The following DCLRE1A variants were observed in gnomAD, a reference collection of about 807,000 sequenced individuals.
DCLRE1A encodes DNA cross-link repair 1A.
DCLRE1A carries 64 observed loss-of-function variants against 91.9 expected under a neutral mutation model. That is an observed-to-expected ratio of 0.70 (90% CI 0.57 to 0.86). DCLRE1A has a LOEUF of 0.86. Ranked by LOEUF, DCLRE1A falls within the 40% of genes least tolerant of loss-of-function variation. The pLI, the probability that DCLRE1A is intolerant of heterozygous loss-of-function variation, is 0.00. For missense variants in DCLRE1A, 1,145 were observed against 1,213.3 expected, an observed-to-expected ratio of 0.94 and a Z score of 0.84; for synonymous variants, 416 against 431.1, an observed-to-expected ratio of 0.96 and a Z score of 0.43.
chr10:113,853,253 A>G lies in DCLRE1A; in HGVS notation c.-71T>C. The G allele has an allele frequency of 2.2e-6, 3 of 1,344,414 alleles. No individual in the cohort carries two copies. The highest frequency in any genetic ancestry group is 2.0e-6 in the Non-Finnish European group (2 of 1,014,388). 83.3% of individuals were successfully genotyped at this position (1,344,414 alleles called of 1,614,324 possible). On this transcript the variant is annotated 5_prime_UTR_variant, in exon 1 of 9. Coordinates refer to ENST00000361384, the MANE Select transcript of DCLRE1A (RefSeq NM_014881.5). ...TGAAAGTCCATTTCTTGTCACAAAC[A>G]AAAAGTTATAGAATTATTTTGCTGA...
chr10:113,847,682 C>A (rs375160537), intron 2 of DCLRE1A, among the ~76,000 whole-genome samples: 2 of 152,122 alleles, frequency 1.3e-5, no homozygotes, highest in Non-Finnish European at 2.9e-5. Context: ...TGCTAACTTT[C>A]TTCTAAAACA....
chr10:113,835,542 A>G (rs1845347948), intron 8 of DCLRE1A, among the ~76,000 whole-genome samples: 1 of 152,174 alleles, frequency 6.6e-6, no homozygotes, highest in Non-Finnish European at 1.5e-5. Flanking sequence ...GTCTCCACCC[A>G]AATCTCATCT....
In DCLRE1A at chr10:113,837,119, T is replaced by C. The variant is rs1440072006; in HGVS notation, c.2905A>G (p.Lys969Glu). The C allele has an allele frequency of 6.2e-7, 1 of 1,613,424 alleles. No individual in the cohort carries two copies. The highest frequency in any genetic ancestry group is 1.7e-5 in the Admixed American group (1 of 59,940). Residue 969 changes from lysine to glutamate, a missense_variant, in exon 8 of 9, where the codon AAG becomes GAG. By Grantham distance (56) the Lys-to-Glu change is moderately conservative. Transcript: ENST00000361384. ...ATAACATCTGCTATTCTAGTGAACTTGTTAGAGTGTGTCCATCCTGTAGGT... is the reference window on the plus strand; with the variant it reads ...ATAACATCTGCTATTCTAGTGAACTCGTTAGAGTGTGTCCATCCTGTAGGT... ...FRPTGWTHSN[K>E]FTRIADVIPQ...
In DCLRE1A at chr10:113,850,431, G is replaced by A. The variant is rs374854725; in HGVS notation, c.674C>T (p.Ser225Leu). The change falls in exon 2 of 9, where the codon TCA becomes TTA. Residue 225 changes from serine (S) to leucine (L), a missense_variant. By Grantham distance (145) the Ser-to-Leu change is moderately radical. Transcript: ENST00000361384. ...SYQNQTDNSV[S>L]NDPLLMTQYF... The stretch of plus-strand genomic sequence containing the variant: ...CTGTGTCATCAATAAGGGATCATTT[G>A]AAACCGAGTTATCAGTTTGGTTCTG... 3 of 1,614,210 alleles carry A rather than the reference G, an allele frequency of 1.9e-6. No individual in the cohort carries two copies. The highest frequency in any genetic ancestry group is 1.7e-6 in the Non-Finnish European group (2 of 1,180,036).
At chr10:113,835,750 C>G (rs537223595) in intron 8 of DCLRE1A, among the ~76,000 whole-genome samples, 1 of 152,238 alleles carries the variant, frequency 6.6e-6, no homozygotes, top group South Asian at 2.1e-4. Context: ...GCCTGGCCAA[C>G]ATGGTGAAAC....
In DCLRE1A at chr10:113,850,484, A is replaced by T. The variant is rs138695670; in HGVS notation, c.621T>A (p.Cys207Ter). 2.5e-6 allele frequency: 4 copies of T among 1,614,172 alleles called. No individual in the cohort carries two copies. Among genetic ancestry groups the T allele is most frequent in the Non-Finnish European group, 3.4e-6 (4 of 1,180,018 alleles). The change falls in exon 2 of 9, where the codon TGT becomes TGA. Residue 207 changes from cysteine (C) to a stop codon, truncating the protein, a stop_gained. Coordinates refer to ENST00000361384, the MANE Select transcript of DCLRE1A (RefSeq NM_014881.5). LOFTEE classifies it high-confidence loss of function. The part of the protein sequence containing the change: ...SFSETKSGVL[C>*]SLEERWSSYQ... ...ACGAAGACCATCTTTCCTCAAGGCT[A>T]CAAAGGACGCCTGACTTAGTCTCAC...
chr10:113,837,791 T>C (rs1235021583), intron 7 of DCLRE1A, among the ~76,000 whole-genome samples: 1 of 152,198 alleles, frequency 6.6e-6, no homozygotes, highest in African/African-American at 2.4e-5. Flanking sequence ...CTTATAAGTC[T>C]TGAGTAGGAT....
At chr10:113,838,882 C>T (rs1285171382) in intron 7 of DCLRE1A, among the ~76,000 whole-genome samples, 1 of 152,116 alleles carries the variant, frequency 6.6e-6, no homozygotes, top group African/African-American at 2.4e-5. Context: ...GGCTTTCAGG[C>T]ATGCCCTGGG....
At position 113,849,493 on chromosome 10, in the gene DCLRE1A, A is replaced by G. The variant is rs1845603108; in HGVS notation, c.1612T>C (p.Leu538=). 1.2e-6 allele frequency: 2 copies of G among 1,613,948 alleles called. No homozygotes were observed. The highest frequency in any genetic ancestry group is 1.7e-5 in the Admixed American group (1 of 60,002). The change falls in exon 2 of 9, where the codon TTG becomes CTG. Residue 538 remains leucine (L), a synonymous_variant. Coordinates refer to ENST00000361384, the MANE Select transcript of DCLRE1A (RefSeq NM_014881.5). ...STPAPKYLKI[L]PSGLKYNARH... ...GCATTATACTTAAGACCAGAAGGCA[A>G]TATTTTCAAATACTTCGGAGCAGGT... is the stretch of plus-strand genomic sequence containing the variant.
Position 113,852,894 on chromosome 10 carries a change from T to TTCTACAG in DCLRE1A, c.288_289insCTGTAGA (p.Thr97LeufsTer2), listed in dbSNP as rs1441860335. On this transcript the variant is annotated stop_gained and frameshift_variant, in exon 1 of 9. Transcript: ENST00000361384. LOFTEE classifies it high-confidence loss of function. ...TGAGTTCTACAGAGTTTTCCTGGAG[T>TTCTACAG]AGTTTCCTTGTCTTGGGTCTGCTGA... 1 of 1,613,956 alleles carries TTCTACAG rather than the reference T, an allele frequency of 6.2e-7. No individual in the cohort carries two copies. Among genetic ancestry groups the TTCTACAG allele is most frequent in the African/African-American group, 1.3e-5 (1 of 74,892 alleles).
At position 113,837,101 on chromosome 10, in the gene DCLRE1A, C is replaced by G. The variant is rs1415344666; in HGVS notation, c.2923G>C (p.Asp975His). 1 of 1,612,268 alleles carries G rather than the reference C, an allele frequency of 6.2e-7. No homozygotes were observed. ...TTTCCTTTGGTCTGGGGAATAACAT[C>G]TGCTATTCTAGTGAACTTGTTAGAG... ...THSNKFTRIADVIPQTKGNIS... is the reference protein window; with the variant it reads ...THSNKFTRIAHVIPQTKGNIS... Residue 975 changes from aspartate to histidine, a missense_variant, in exon 8 of 9, where the codon GAT becomes CAT. Physicochemically the swap from Asp to His is moderately conservative, Grantham distance 81. Coordinates refer to ENST00000361384, the MANE Select transcript of DCLRE1A (RefSeq NM_014881.5).
Position 113,842,461 on chromosome 10 carries a change from T to C in DCLRE1A, c.2547A>G (p.Pro849=). ...CAAACCGGATAACCTCTTGCTGAGA[T>C]GGAAAGGTGTATTCTGGGCTACAAT... ...TTYCSPEYTF[P]SQQEVIRFAI... is the part of the protein sequence containing the mutation. Residue 849 remains proline, a synonymous_variant, in exon 6 of 9, where the codon CCA becomes CCG. Transcript: ENST00000361384. 6.2e-7 allele frequency: 1 copy of C among 1,613,778 alleles called. No homozygotes were observed. The highest frequency in any genetic ancestry group is 2.2e-5 in the East Asian group (1 of 44,850).
At chr10:113,847,360 A>C in intron 2 of DCLRE1A, 25 bp from the exon 3 acceptor site, 1 of 1,612,178 alleles carries the variant, frequency 6.2e-7, no homozygotes, top group South Asian at 1.1e-5. Flanking sequence ...CCGACACAGT[A>C]GGTTGAGCAA....
chr10:113,839,167 T>C (rs1253918475), intron 7 of DCLRE1A, among the ~76,000 whole-genome samples: 2 of 151,168 alleles, frequency 1.3e-5, no homozygotes, highest in Non-Finnish European at 3.0e-5. Flanking sequence ...CTACTAAAAA[T>C]AGAAAAAATT....
At chr10:113,841,312 T>C in intron 7 of DCLRE1A, 94 bp downstream of exon 7, 1 of 1,422,036 alleles carries the variant, frequency 7.0e-7, no homozygotes, top group Non-Finnish European at 9.5e-7. Context: ...TGGGTGACTC[T>C]ATTATAATTG....
rs765591721 is a variant in DCLRE1A at position 113,849,928 on chromosome 10, C to T, written c.1177G>A (p.Glu393Lys). ...DLSQPISQNN[E>K]STLPYDLACT... ...GCCAGATCATAAGGCAAAGTACTCTCATTATTTTGAGAAATAGGTTGAGAC... is the reference window on the plus strand; with the variant it reads ...GCCAGATCATAAGGCAAAGTACTCTTATTATTTTGAGAAATAGGTTGAGAC... Residue 393 changes from glutamate (E) to lysine (K), a missense_variant, in exon 2 of 9, where the codon GAG becomes AAG. By Grantham distance (56) the Glu-to-Lys change is moderately conservative (BLOSUM62 1). Coordinates refer to ENST00000361384, the MANE Select transcript of DCLRE1A (RefSeq NM_014881.5). 4 of 1,613,888 alleles carry T rather than the reference C, an allele frequency of 2.5e-6. No individual in the cohort carries two copies. Among genetic ancestry groups the T allele is most frequent in the East Asian group, 4.5e-5 (2 of 44,896 alleles).
rs1845613396 is a variant in DCLRE1A at position 113,849,914 on chromosome 10, A to C, written c.1191T>G (p.Pro397=). 6.2e-7 allele frequency: 1 copy of C among 1,613,882 alleles called. No individual in the cohort carries two copies. The highest frequency in any genetic ancestry group is 8.5e-7 in the Non-Finnish European group (1 of 1,180,004). Reference sequence around the variant, plus strand: ...CACCACCAGTACATGCCAGATCATAAGGCAAAGTACTCTCATTATTTTGAG... The same window carrying C: ...CACCACCAGTACATGCCAGATCATACGGCAAAGTACTCTCATTATTTTGAG... ...PISQNNESTL[P]YDLACTGGDF... Residue 397 remains proline, a synonymous_variant, in exon 2 of 9, where the codon CCT becomes CCG. Coordinates refer to ENST00000361384, the MANE Select transcript of DCLRE1A (RefSeq NM_014881.5).
intron 8 of DCLRE1A, among the ~76,000 whole-genome samples, chr10:113,836,256 C>T (rs980459856): frequency 1.3e-5 from 2 of 152,098 alleles, no homozygotes; most frequent in African/African-American, 4.8e-5. Flanking sequence ...AAATCGATTA[C>T]CTTATTGCGT....
rs780518186 is a variant in DCLRE1A, at chr10:113,849,166, C to G, written c.1939G>C (p.Gly647Arg). Reference sequence around the variant, plus strand: ...TGATCTGATCTCTTCTGACACGCTCCTTCCTGCAGTGAATTTGACTTTCTA... The same window carrying G: ...TGATCTGATCTCTTCTGACACGCTCGTTCCTGCAGTGAATTTGACTTTCTA... ...RCRKSNSLQE[G>R]ACQKRSDHLI... Residue 647 changes from glycine to arginine, a missense_variant, in exon 2 of 9, where the codon GGA becomes CGA. Transcript: ENST00000361384. The G allele has an allele frequency of 6.2e-7, 1 of 1,614,064 alleles. No homozygotes were observed. Among genetic ancestry groups the G allele is most frequent in the African/African-American group, 1.3e-5 (1 of 75,044 alleles).
Sources: allele counts gnomAD v4.1 joint callset (sites outside exome capture counted in the v4.1 genomes callset), GRCh38; gene constraint gnomAD v4.1.1; transcripts MANE v1.5; gene names NCBI Gene and HGNC (gene_info 2026-07-23, HGNC 2026-07-21).